Variants in SDK1 observed in about 807,000 individuals in gnomAD.
SDK1 encodes the protein protein sidekick-1.
SDK1 carries 157 observed loss-of-function variants against 245.5 expected under a neutral mutation model. That is an observed-to-expected ratio of 0.64 (90% CI 0.56 to 0.73). The LOEUF (loss-of-function observed/expected upper bound fraction) is 0.73. Among genes scored for constraint, SDK1 ranks in the 30% least tolerant of loss-of-function variants. The pLI, the probability that SDK1 is intolerant of heterozygous loss-of-function variation, is 0.00. For synonymous variants in SDK1, 1,647 were observed against 1,278.5 expected, an observed-to-expected ratio of 1.29 and a Z score of -6.15; for missense variants, 3,583 against 3,002.3, an observed-to-expected ratio of 1.19 and a Z score of -4.52.
Position 4,174,353 on chromosome 7 carries a change from C to G in SDK1, c.4932C>G (p.Leu1644=). 6.2e-7 allele frequency: 1 copy of G among 1,613,726 alleles called. No homozygotes were observed. Among genetic ancestry groups the G allele is most frequent in the Non-Finnish European group, 8.5e-7 (1 of 1,179,710 alleles). The change falls in exon 33 of 45, where the codon CTC becomes CTG. Residue 1644 remains leucine (L), a synonymous_variant. Coordinates refer to ENST00000404826, the MANE Select transcript of SDK1 (RefSeq NM_152744.4). ...LKNPIALHAE[L]TAQSSFKTVN... ...ACCCTATAGCTTTACATGCTGAGCT[C>G]ACAGGTGAGACTGTCCCCTCTGTCC...
At chr7:4,150,245 C>G (rs560799442) in intron 30 of SDK1, among the ~76,000 whole-genome samples, 1 of 152,162 alleles carries the variant, frequency 6.6e-6, no homozygotes, top group Non-Finnish European at 1.5e-5. Flanking sequence ...CCTGCCTGGG[C>G]AGGGCCACCC....
At chr7:3,977,403 G>T (rs1167277614) in intron 13 of SDK1, among the ~76,000 whole-genome samples, 1 of 108,404 alleles carries the variant, frequency 9.2e-6, no homozygotes. Flanking sequence ...ATCACTGGGG[G>T]TCCCGGGGCT....
intron 36 of SDK1, among the ~76,000 whole-genome samples, chr7:4,207,839 A>C (rs916331747): frequency 4.8e-4 from 73 of 152,298 alleles, no homozygotes; most frequent in African/African-American, 1.8e-3. Flanking sequence ...TTAACGAGGC[A>C]ATGCTCATAC....
At chr7:4,206,665 T>C (rs894777589) in intron 36 of SDK1, among the ~76,000 whole-genome samples, 4 of 151,740 alleles carry the variant, frequency 2.6e-5, no homozygotes, top group African/African-American at 9.7e-5. Context: ...GGGAAGCACC[T>C]CTCCACGTCC....
chr7:4,049,473 C>T lies in SDK1; in HGVS notation c.2718+10C>T, dbSNP rs375903344. ...CAACCAGGGATACAAGGTACGTGGCCTGGGTTCAGGGCCTGTGGGCAGCTG... is the reference window on the plus strand; with the variant it reads ...CAACCAGGGATACAAGGTACGTGGCTTGGGTTCAGGGCCTGTGGGCAGCTG... On this transcript the variant is annotated intron_variant, in intron 18 of 44. Coordinates refer to ENST00000404826, the MANE Select transcript of SDK1 (RefSeq NM_152744.4). The T allele has an allele frequency of 2.5e-6, 4 of 1,601,346 alleles. No homozygotes were observed. In the South Asian group the frequency reaches 4.4e-5, roughly 18 times the overall value.
At chr7:3,524,390 G>A (rs908356697) in intron 1 of SDK1, among the ~76,000 whole-genome samples, 4 of 152,148 alleles carry the variant, frequency 2.6e-5, no homozygotes, top group Non-Finnish European at 1.5e-5. Context: ...CAATTAGGGG[G>A]CTGTTTAAAT....
chr7:3,301,421 C>A lies in SDK1; in HGVS notation c.-166C>A, dbSNP rs867833692. 51 of 152,246 alleles carry A rather than the reference C, an allele frequency of 3.3e-4. No homozygotes were observed. The highest frequency in any genetic ancestry group is 1.0e-3 in the African/African-American group (43 of 40,976). 9.4% of individuals were successfully genotyped at this position (152,246 alleles called of 1,614,324 possible). ...GCTCGTCCCCGGCCCGCGCCGCGCC[C>A]CTCACGCGGGGACCCAGGACGCCGC... is the stretch of plus-strand genomic sequence containing the variant. On this transcript the variant is annotated 5_prime_UTR_variant, in exon 1 of 45. Transcript: ENST00000404826.
intron 9 of SDK1, among the ~76,000 whole-genome samples, chr7:3,964,605 T>C (rs915427013): frequency 1.3e-5 from 2 of 152,228 alleles, no homozygotes; most frequent in African/African-American, 2.4e-5. Flanking sequence ...TTTCATTGTT[T>C]CTGTGGGTTT....
At chr7:3,649,138 G>T (rs1782933371) in intron 4 of SDK1, among the ~76,000 whole-genome samples, 1 of 152,118 alleles carries the variant, frequency 6.6e-6, no homozygotes, top group Admixed American at 6.5e-5. Flanking sequence ...ATATGAAGCA[G>T]GTAATACACA....
chr7:4,074,414 C>A (rs1052156667), intron 20 of SDK1, among the ~76,000 whole-genome samples: 2 of 152,164 alleles, frequency 1.3e-5, no homozygotes, highest in Non-Finnish European at 2.9e-5. Flanking sequence ...GTCCACGAAG[C>A]TTTCTGTGGC....
Position 3,783,979 on chromosome 7 carries a change from G to A in SDK1, c.714-37471G>A, listed in dbSNP as rs146790678. Among the ~76,000 whole-genome samples the A allele has an allele frequency of 1.3e-3, 199 of 152,230 alleles. 6 individuals are homozygous for A. The East Asian group carries it at 0.016, about 13-fold the overall frequency. On this transcript the variant is annotated intron_variant, in intron 4 of 44. Coordinates refer to ENST00000404826, the MANE Select transcript of SDK1 (RefSeq NM_152744.4). ...CTACAGAGCTATAGTAATTAAAACA[G>A]CATGGGACTGGCTGAAACAGATCAA...
chr7:4,083,464 AC>A (rs1299953643), intron 22 of SDK1, among the ~76,000 whole-genome samples: 4 of 146,490 alleles, frequency 2.7e-5, no homozygotes, highest in Non-Finnish European at 6.0e-5. Context: ...CTGTTCCTCT[AC>A]CCCGTTTGCC....
chr7:3,977,311 T>TGAGGCTGC (rs766391720), intron 13 of SDK1, among the ~76,000 whole-genome samples: 1 of 99,608 alleles, frequency 1.0e-5, no homozygotes, highest in Non-Finnish European at 2.0e-5. Flanking sequence ...GTCCCGGGGC[T>TGAGGCTGC]GAGGCTGCCA....
intron 5 of SDK1, among the ~76,000 whole-genome samples, chr7:3,862,970 G>A (rs116120411): frequency 0.053 from 8,047 of 152,230 alleles, 694 homozygotes; most frequent in African/African-American, 0.18. Context: ...GATCTGACAG[G>A]AGGGGGAGCT....
intron 41 of SDK1, among the ~76,000 whole-genome samples, chr7:4,237,142 T>C (rs575334767): frequency 6.6e-6 from 1 of 152,152 alleles, no homozygotes; most frequent in African/African-American, 2.4e-5. Flanking sequence ...TCCTCCCACC[T>C]CAGCCTTCCA....
At chr7:4,180,569 G>T (rs1324203185) in intron 35 of SDK1, among the ~76,000 whole-genome samples, 1 of 152,214 alleles carries the variant, frequency 6.6e-6, no homozygotes, top group Non-Finnish European at 1.5e-5. Flanking sequence ...CAGTTCTAGG[G>T]TCTGCGCTGT....
At chr7:3,358,889 A>T (rs1395789140) in intron 1 of SDK1, among the ~76,000 whole-genome samples, 1 of 152,190 alleles carries the variant, frequency 6.6e-6, no homozygotes. Context: ...AATGATTGTT[A>T]TGGGTAGGAA....
chr7:3,302,017 G>C, intron 1 of SDK1, 133 bp downstream of exon 1: 1 of 582,066 alleles, frequency 1.7e-6, no homozygotes, highest in South Asian at 7.8e-5. Context: ...GGGGGCTCTA[G>C]GGAGCCCAGG....
At chr7:3,745,415 G>A (rs1779588304) in intron 4 of SDK1, among the ~76,000 whole-genome samples, 1 of 152,150 alleles carries the variant, frequency 6.6e-6, no homozygotes, top group South Asian at 2.1e-4. Flanking sequence ...TTCTGCCAGT[G>A]GTGAAATGTT....
Sources: allele counts gnomAD v4.1 joint callset (sites outside exome capture counted in the v4.1 genomes callset), GRCh38; gene constraint gnomAD v4.1.1; transcripts MANE v1.5; gene names NCBI Gene and HGNC (gene_info 2026-07-23, HGNC 2026-07-21).